Variants in LYG2 observed in about 807,000 individuals in gnomAD.
The protein encoded by LYG2 is lysozyme g-like protein 2.
Under a neutral mutation model 22.4 loss-of-function variants are expected in LYG2, and 25 were observed. That is an observed-to-expected ratio of 1.12 (90% CI 0.81 to 1.56). The LOEUF (loss-of-function observed/expected upper bound fraction) is 1.56. LYG2 is among the 40% of genes most tolerant of loss of function. LYG2 has a pLI of 0.00. For missense variants in LYG2, 266 were observed against 269.5 expected (o/e 0.99, Z 0.09); for synonymous variants, 88 against 97.0 (o/e 0.91, Z 0.55).
chr2:99,251,140 A>G (rs575924516), intron 3 of LYG2, among the ~76,000 whole-genome samples: 3 of 152,354 alleles, frequency 2.0e-5, no homozygotes, highest in Admixed American at 6.5e-5. Flanking sequence ...GATAGGGGAT[A>G]GACTAACTAT....
upstream of LYG2, among the ~76,000 whole-genome samples, chr2:99,258,994 CA>C (rs1368030978): frequency 6.6e-6 from 1 of 151,872 alleles, no homozygotes; most frequent in Non-Finnish European, 1.5e-5. Context: ...AAAATAAAAC[CA>C]AAATGAGACA....
chr2:99,257,160 A>T (rs1409499333), upstream of LYG2, among the ~76,000 whole-genome samples: 1 of 152,252 alleles, frequency 6.6e-6, no homozygotes, highest in Non-Finnish European at 1.5e-5. Flanking sequence ...TGGTCTGGAA[A>T]AATAACACCA....
rs1491456054 is a variant in LYG2, at chr2:99,243,491, CAG to C, written c.520+506_520+507del. On this transcript the variant is annotated intron_variant, in intron 6 of 6. Transcript: ENST00000333017. ...AAAAAACCTATGAGAGGTAGGCAAA[CAG>C]ATAGATAGATAGATAGATAGATAGA... is the stretch of plus-strand genomic sequence containing the variant. 36 of 1,302,428 alleles carry C rather than the reference CAG, an allele frequency of 2.8e-5. No individual in the cohort carries two copies. In the Middle Eastern group the frequency reaches 6.1e-4, roughly 22 times the overall value. The allele number at this position is 1,302,428 out of a possible 1,614,324, so 80.7% of individuals were successfully genotyped here.
intron 5 of LYG2, among the ~76,000 whole-genome samples, chr2:99,245,057 G>A (rs1013031480): frequency 1.2e-4 from 18 of 151,020 alleles, no homozygotes; most frequent in Non-Finnish European, 5.9e-5. Context: ...GTTGCAGTGA[G>A]CCGAGATCAC....
chr2:99,242,438 G>A lies in LYG2; in HGVS notation c.565C>T (p.Pro189Ser). Residue 189 changes from proline to serine, a missense_variant, in exon 7 of 7, where the codon CCA becomes TCA. Transcript: ENST00000333017. ...ACGAAGTCATTGTCTATGTCCGATG[G>A]GGTGGCAATCGCTTCAATTCCTGAC... ...FKSGIEAIAT[P>S]SDIDNDFVND... 2 of 1,613,132 alleles carry A rather than the reference G, an allele frequency of 1.2e-6. No homozygotes were observed. The highest frequency in any genetic ancestry group is 2.2e-5 in the South Asian group (2 of 90,880).
intron 6 of LYG2, 71 bp from the exon 7 acceptor site, chr2:99,242,553 G>T: frequency 9.8e-7 from 1 of 1,025,446 alleles, no homozygotes; most frequent in Non-Finnish European, 1.5e-6. Flanking sequence ...GCATTGCCAA[G>T]ATGTTAGCTT....
At position 99,243,491 on chromosome 2, in the gene LYG2, CAGATAGATAGAT is replaced by C. The variant is rs36096004; in HGVS notation, c.520+496_520+507del. ...AAAAAACCTATGAGAGGTAGGCAAA[CAGATAGATAGAT>C]AGATAGATAGATAGATAGATAGATA... On this transcript the variant is annotated intron_variant, in intron 6 of 6. Transcript: ENST00000333017. 1.7e-3 allele frequency: 2,183 copies of C among 1,302,472 alleles called. 3 individuals are homozygous for C. Among genetic ancestry groups the C allele is most frequent in the Middle Eastern group, 4.5e-3 (22 of 4,938 alleles). 80.7% of individuals were successfully genotyped at this position (1,302,472 alleles called of 1,614,324 possible).
chr2:99,255,164 A>G (rs1001440499), intron 1 of LYG2, 27 bp from the exon 2 acceptor site: 1 of 152,230 alleles, frequency 6.6e-6, no homozygotes, highest in Non-Finnish European at 1.5e-5. Context: ...TCCATTAGTC[A>G]GTAGATCACT....
rs150112375 is a variant in LYG2 at position 99,243,319 on chromosome 2, A to G, written c.520+680T>C. ...AGTGGGAAGTTAGTGAGTTAATTCCATCTGGGAGATGCTGAACTTGAGGGG... is the reference window on the plus strand; with the variant it reads ...AGTGGGAAGTTAGTGAGTTAATTCCGTCTGGGAGATGCTGAACTTGAGGGG... On this transcript the variant is annotated intron_variant, in intron 6 of 6. Transcript: ENST00000333017. 27 of 928,234 alleles carry G rather than the reference A, an allele frequency of 2.9e-5. No individual in the cohort carries two copies. The African/African-American group carries it at 4.0e-4, about 14-fold the overall frequency. The allele number at this position is 928,234 out of a possible 1,614,324, so 57.5% of individuals were successfully genotyped here.
upstream of LYG2, among the ~76,000 whole-genome samples, chr2:99,256,720 G>T (rs982567431): frequency 3.3e-5 from 5 of 152,234 alleles, no homozygotes; most frequent in Non-Finnish European, 7.3e-5. Flanking sequence ...CTCTCAGTTA[G>T]TGGGGCTACG....
At chr2:99,245,558 C>A in intron 4 of LYG2, 100 bp from the exon 5 acceptor site, 1 of 617,620 alleles carries the variant, frequency 1.6e-6, no homozygotes, top group Admixed American at 3.5e-5. Flanking sequence ...ATTGCTTGAA[C>A]CCAGGAGGAG....
intron 3 of LYG2, among the ~76,000 whole-genome samples, chr2:99,249,353 G>A (rs1001212789): frequency 1.3e-5 from 2 of 151,734 alleles, no homozygotes; most frequent in Admixed American, 6.6e-5. Flanking sequence ...CCGGGAGGTC[G>A]AGGCTGCAGT....
chr2:99,256,369 T>A (rs962739708), upstream of LYG2, among the ~76,000 whole-genome samples: 1 of 152,140 alleles, frequency 6.6e-6, no homozygotes, highest in Non-Finnish European at 1.5e-5. Context: ...ATGGAGGGTC[T>A]GCTCCACCAC....
chr2:99,254,426 G>T, intron 2 of LYG2, 141 bp from the exon 3 acceptor site: 1 of 426,040 alleles, frequency 2.3e-6, no homozygotes, highest in Non-Finnish European at 4.2e-6. Flanking sequence ...TATTCTCACA[G>T]GCTCAGTACA....
At chr2:99,249,916 G>A (rs1055799704) in intron 3 of LYG2, among the ~76,000 whole-genome samples, 2 of 151,918 alleles carry the variant, frequency 1.3e-5, no homozygotes. Flanking sequence ...CTACTTAGTA[G>A]ACGGAGTGGC....
chr2:99,254,860 C>T (rs1559208255), intron 2 of LYG2, among the ~76,000 whole-genome samples, 160 bp downstream of exon 2: 1 of 152,038 alleles, frequency 6.6e-6, no homozygotes, highest in Admixed American at 6.6e-5. Flanking sequence ...CCAGGGTCTC[C>T]GTAGGGAAAA....
chr2:99,259,634 C>T (rs924815950), upstream of LYG2, among the ~76,000 whole-genome samples: 8 of 152,130 alleles, frequency 5.3e-5, no homozygotes, highest in Non-Finnish European at 1.2e-4. Context: ...ACCAAGAGTT[C>T]TCATGTACCC....
At chr2:99,251,241 A>T (rs1043569054) in intron 3 of LYG2, among the ~76,000 whole-genome samples, 1 of 151,236 alleles carries the variant, frequency 6.6e-6, no homozygotes, top group Non-Finnish European at 1.5e-5. Flanking sequence ...CATAAAAAAG[A>T]AGAACAAATG....
At chr2:99,243,536 AGAT>A (rs537896632) in intron 6 of LYG2, 8 of 1,506,080 alleles carry the variant, frequency 5.3e-6, no homozygotes, top group South Asian at 3.7e-5. Context: ...ATAGATAGAT[AGAT>A]AAATTTTTTT....
Sources: allele counts gnomAD v4.1 joint callset (sites outside exome capture counted in the v4.1 genomes callset), GRCh38; gene constraint gnomAD v4.1.1; transcripts MANE v1.5; gene names NCBI Gene and HGNC (gene_info 2026-07-23, HGNC 2026-07-21).